NXN: variants seen among roughly 807,000 people sequenced by gnomAD.
NXN encodes the protein nucleoredoxin.
NXN carries 16 observed loss-of-function variants against 48.6 expected under a neutral mutation model. That is an observed-to-expected ratio of 0.33 (90% CI 0.22 to 0.50). The LOEUF (loss-of-function observed/expected upper bound fraction) is 0.50. Ranked by LOEUF, NXN falls within the 20% of genes least tolerant of loss-of-function variation. The pLI, the probability that NXN is intolerant of heterozygous loss-of-function variation, is 0.98. For synonymous variants in NXN, 281 were observed against 269.6 expected, an observed-to-expected ratio of 1.04 and a Z score of -0.41; for missense variants, 492 against 605.5, an observed-to-expected ratio of 0.81 and a Z score of 1.97.
chr17:979,705 G>A lies in NXN; in HGVS notation c.-27C>T. The A allele has an allele frequency of 7.3e-7, 1 of 1,375,178 alleles. No homozygotes were observed. The highest frequency in any genetic ancestry group is 9.4e-7 in the Non-Finnish European group (1 of 1,062,786). 85.2% of individuals were successfully genotyped at this position (1,375,178 alleles called of 1,614,324 possible). A position where few individuals can be genotyped will look rare whatever the true frequency, so the allele number is the denominator to read the frequency against. On this transcript the variant is annotated 5_prime_UTR_variant, in exon 1 of 8. Transcript: ENST00000336868. ...CTGGCCCACCGCAGGGCGGGCAGGC[G>A]GCTGCGACCCCGCTCCACGGTCCGC...
intron 1 of NXN, among the ~76,000 whole-genome samples, chr17:902,943 A>G (rs1052385463): frequency 2.0e-5 from 3 of 150,820 alleles, no homozygotes; most frequent in African/African-American, 7.3e-5. Context: ...CTAATTTTTT[A>G]TATTTTTAGT....
At chr17:803,918 C>G in intron 6 of NXN, 112 bp from the exon 7 acceptor site, 1 of 1,428,034 alleles carries the variant, frequency 7.0e-7, no homozygotes, top group Non-Finnish European at 9.6e-7. Context: ...CTGAGCGGCC[C>G]CTGAACGGAA....
At chr17:814,087 C>G (rs1221297843) in intron 5 of NXN, among the ~76,000 whole-genome samples, 2 of 151,804 alleles carry the variant, frequency 1.3e-5, no homozygotes, top group African/African-American at 4.8e-5. Flanking sequence ...ATGGTGAAAC[C>G]CTGTCTCTAC....
intron 1 of NXN, among the ~76,000 whole-genome samples, chr17:975,217 G>T (rs892732644): frequency 2.0e-5 from 3 of 152,076 alleles, no homozygotes; most frequent in African/African-American, 7.2e-5. Context: ...GGCTGGTCCG[G>T]GCTTCTTATG....
intron 3 of NXN, among the ~76,000 whole-genome samples, chr17:822,820 C>T (rs913146063): frequency 6.6e-6 from 1 of 152,326 alleles, no homozygotes; most frequent in Middle Eastern, 3.4e-3. Flanking sequence ...AATATCCAGG[C>T]TGGGTGCAGT....
intron 1 of NXN, among the ~76,000 whole-genome samples, chr17:880,490 TC>T (rs1488961181): frequency 2.0e-5 from 3 of 152,034 alleles, no homozygotes; most frequent in Non-Finnish European, 4.4e-5. Context: ...ATGACCCATT[TC>T]CCCAACAGGA....
At chr17:953,848 G>T (rs1226652539) in intron 1 of NXN, among the ~76,000 whole-genome samples, 1 of 151,720 alleles carries the variant, frequency 6.6e-6, no homozygotes, top group African/African-American at 2.4e-5. Context: ...GGGGTGGGAG[G>T]ATTGCTTGAG....
intron 1 of NXN, among the ~76,000 whole-genome samples, chr17:873,458 C>G (rs1394490101): frequency 3.4e-5 from 5 of 145,320 alleles, no homozygotes; most frequent in Non-Finnish European, 7.4e-5. Flanking sequence ...GATCGCACCA[C>G]TGTACTCCAA....
intron 3 of NXN, among the ~76,000 whole-genome samples, chr17:823,113 A>G (rs669384): frequency 0.53 from 74,689 of 140,498 alleles, 19,651 homozygotes; most frequent in African/African-American, 0.68. Context: ...AAAAAAAAAA[A>G]GGGGGCCAGG....
intron 1 of NXN, among the ~76,000 whole-genome samples, chr17:952,719 AACCC>A (rs1361336078): frequency 3.4e-4 from 25 of 74,414 alleles, no homozygotes; most frequent in Non-Finnish European, 5.9e-5. Flanking sequence ...CCAAGGTTGG[AACCC>A]GGCAGGTACC....
intron 1 of NXN, among the ~76,000 whole-genome samples, chr17:937,707 A>G (rs1258533294): frequency 2.6e-5 from 4 of 152,174 alleles, no homozygotes; most frequent in African/African-American, 9.7e-5. Flanking sequence ...CATCAAAGGC[A>G]TCCGAGCTGG....
intron 4 of NXN, among the ~76,000 whole-genome samples, chr17:820,499 C>A (rs968566152): frequency 1.2e-4 from 18 of 149,320 alleles, no homozygotes; most frequent in African/African-American, 4.2e-4. Context: ...GTAGTCCCAG[C>A]TACTTGGGAG....
chr17:891,017 ATCGGTCTG>A (rs2068410478), intron 1 of NXN, among the ~76,000 whole-genome samples: 1 of 87,618 alleles, frequency 1.1e-5, no homozygotes, highest in African/African-American at 3.4e-5. Flanking sequence ...CAATCTATCT[ATCGGTCTG>A]TCTGTCTGTC....
intron 6 of NXN, 52 bp downstream of exon 6, chr17:805,016 C>CCT: frequency 6.6e-7 from 1 of 1,525,630 alleles, no homozygotes; most frequent in Non-Finnish European, 8.9e-7. Flanking sequence ...TGAGGCCCCT[C>CCT]CTGTCCCGCC....
rs1015954255 is a variant in NXN at position 956,267 on chromosome 17, G to C, written c.360+23052C>G. On this transcript the variant is annotated intron_variant, in intron 1 of 7. Transcript: ENST00000336868. This position sits in a 1 kb window ranked among gnomAD's most constrained non-coding sequence, Gnocchi z 4.1. The stretch of plus-strand genomic sequence containing the variant: ...GGTGCCAAGTATTTACTAATAAGAG[G>C]TGTCGAACGTGTTAAGTAAGAAGGA... Among the ~76,000 whole-genome samples, 2 of 152,060 alleles carry C rather than the reference G, an allele frequency of 1.3e-5. No homozygotes were observed. The highest frequency in any genetic ancestry group is 2.9e-5 in the Non-Finnish European group (2 of 68,030).
At position 898,420 on chromosome 17, in the gene NXN, C is replaced by T. The variant is rs573210889; in HGVS notation, c.361-72342G>A. ...CTCTGCCATCTGGAGCTCGTCCGGA[C>T]GCCACCTCCTCTGAGAAACTACTCT... On this transcript the variant is annotated intron_variant, in intron 1 of 7. Coordinates refer to ENST00000336868, the MANE Select transcript of NXN (RefSeq NM_022463.5). Among the ~76,000 whole-genome samples, 7 of 21,866 alleles carry T rather than the reference C, an allele frequency of 3.2e-4. 3 individuals are homozygous for T. In the East Asian group the frequency reaches 0.034, roughly 106 times the overall value. 14.3% of individuals were successfully genotyped at this position (21,866 alleles called of 152,430 possible).
At chr17:930,928 C>T (rs961104368) in intron 1 of NXN, among the ~76,000 whole-genome samples, 3 of 151,912 alleles carry the variant, frequency 2.0e-5, no homozygotes, top group African/African-American at 4.8e-5. Context: ...TGAGCCACCA[C>T]GCCCAGCTAA....
rs940791479 is a variant in NXN, at chr17:959,363, G to A, written c.360+19956C>T. The A allele has an allele frequency of 4.7e-5, 11 of 231,600 alleles. 1 individual carries two copies. Among genetic ancestry groups the A allele is most frequent in the East Asian group, 1.7e-4 (2 of 11,524 alleles). The allele number at this position is 231,600 out of a possible 1,614,324, so 14.3% of individuals were successfully genotyped here. ...GAGGGCTGGGAGTACGTGGAGTCGC[G>A]CAGAGGCTGCCTGCCCCGGCCAGAG... On this transcript the variant is annotated intron_variant, in intron 1 of 7. Coordinates refer to ENST00000336868, the MANE Select transcript of NXN (RefSeq NM_022463.5).
rs1211713450 is a variant in NXN at position 956,275 on chromosome 17, C to T, written c.360+23044G>A. Among the ~76,000 whole-genome samples, 7 of 152,094 alleles carry T rather than the reference C, an allele frequency of 4.6e-5. No individual in the cohort carries two copies. The highest frequency in any genetic ancestry group is 2.4e-5 in the African/African-American group (1 of 41,410). ...GTATTTACTAATAAGAGGTGTCGAA[C>T]GTGTTAAGTAAGAAGGACACAAGGA... is the stretch of plus-strand genomic sequence containing the variant. On this transcript the variant is annotated intron_variant, in intron 1 of 7. Transcript: ENST00000336868. The surrounding 1 kb of genome is among the most constrained non-coding windows in gnomAD (Gnocchi z 4.1).
Sources: gnomAD v4.1 joint callset for allele counts (sites outside exome capture counted in the v4.1 genomes callset) on GRCh38, gnomAD v4.1.1 for gene constraint, Gnocchi (gnomAD v3.1) non-coding constraint, MANE v1.5 for transcripts, NCBI Gene and HGNC (gene_info 2026-07-23, HGNC 2026-07-21) for gene names.